TRHDE: variants seen among roughly 807,000 people sequenced by gnomAD.
The protein encoded by TRHDE is thyrotropin releasing hormone degrading enzyme, also known as thyrotropin-releasing hormone-degrading ectoenzyme.
Under a neutral mutation model 125.7 loss-of-function variants are expected in TRHDE, and 72 were observed. The ratio of observed to expected loss-of-function variants is 0.57; its 90% CI spans 0.47 to 0.70. The LOEUF (loss-of-function observed/expected upper bound fraction) is 0.70, where lower values mean the gene tolerates loss of function less well. Ranked by LOEUF, TRHDE falls within the 30% of genes least tolerant of loss-of-function variation. The pLI, the probability that TRHDE is intolerant of heterozygous loss-of-function variation, is 0.00. For missense variants in TRHDE, 1,110 were observed against 1,327.1 expected, an observed-to-expected ratio of 0.84 and a Z score of 2.54; for synonymous variants, 509 against 509.1, an observed-to-expected ratio of 1.00 and a Z score of 0.00.
intron 15 of TRHDE, among the ~76,000 whole-genome samples, chr12:72,627,505 TATC>T (rs1334566014): frequency 1.3e-5 from 2 of 151,806 alleles, no homozygotes; most frequent in Non-Finnish European, 2.9e-5. Context: ...CATTCACAGT[TATC>T]ATCAAAATCA....
At chr12:72,577,922 G>A (rs1871072250) in intron 12 of TRHDE, among the ~76,000 whole-genome samples, 2 of 152,178 alleles carry the variant, frequency 1.3e-5, no homozygotes, top group South Asian at 4.1e-4. Flanking sequence ...TTGCTCAAGA[G>A]ATAATTTTTC....
intron 12 of TRHDE, among the ~76,000 whole-genome samples, chr12:72,595,972 A>G (rs1871922289): frequency 6.6e-6 from 1 of 152,110 alleles, no homozygotes; most frequent in African/African-American, 2.4e-5. Flanking sequence ...TTCTCTATTT[A>G]CCTTCATTTC....
intron 3 of TRHDE, among the ~76,000 whole-genome samples, chr12:72,435,300 A>G (rs1458917880): frequency 6.6e-6 from 1 of 152,190 alleles, no homozygotes; most frequent in African/African-American, 2.4e-5. Flanking sequence ...AAGGATGGAA[A>G]TCTGCCATCA....
At chr12:72,600,063 C>T (rs892164950) in intron 12 of TRHDE, among the ~76,000 whole-genome samples, 4 of 151,898 alleles carry the variant, frequency 2.6e-5, no homozygotes, top group African/African-American at 9.7e-5. Context: ...AGGTGTGCGA[C>T]TTTATTTCTG....
intron 5 of TRHDE, among the ~76,000 whole-genome samples, chr12:72,479,302 CTT>C (rs1014651367): frequency 6.6e-5 from 10 of 152,116 alleles, no homozygotes; most frequent in Non-Finnish European, 1.5e-4. Context: ...AAAATCAAGA[CTT>C]TGGATTCACA....
chr12:72,184,842 T>C (rs1877168559), intron 2 of TRHDE, among the ~76,000 whole-genome samples: 1 of 152,190 alleles, frequency 6.6e-6, no homozygotes, highest in Admixed American at 6.5e-5. Context: ...TTATGGTTGA[T>C]TTCCTCAGTA....
intron 5 of TRHDE, among the ~76,000 whole-genome samples, chr12:72,484,626 A>G (rs1157516342): frequency 6.6e-6 from 1 of 152,222 alleles, no homozygotes; most frequent in Non-Finnish European, 1.5e-5. Context: ...AAATGTCAAG[A>G]TCACTTATGA....
At chr12:72,567,487 TAATAA>T (rs1488074865) in intron 9 of TRHDE, among the ~76,000 whole-genome samples, 1 of 152,078 alleles carries the variant, frequency 6.6e-6, no homozygotes, top group African/African-American at 2.4e-5. Flanking sequence ...AAACATGGAA[TAATAA>T]AATAGTCAAA....
chr12:72,523,551 T>C (rs1868284016), intron 6 of TRHDE, among the ~76,000 whole-genome samples: 1 of 152,226 alleles, frequency 6.6e-6, no homozygotes. Flanking sequence ...ATAAAGGTCG[T>C]GCTTTCCAAA....
In TRHDE at chr12:72,353,197, T is replaced by G. The variant is rs567130954; in HGVS notation, c.1189-24798T>G. ...CAAAATTATGTTCACAAAAATGACCTAGCAAGGCAGTGAGCAGAAAGAGCA... is the reference window on the plus strand; with the variant it reads ...CAAAATTATGTTCACAAAAATGACCGAGCAAGGCAGTGAGCAGAAAGAGCA... On this transcript the variant is annotated intron_variant, in intron 2 of 18. Transcript: ENST00000261180. Among the ~76,000 whole-genome samples, 221 of 151,710 alleles carry G rather than the reference T, an allele frequency of 1.5e-3. 1 individual carries two copies. Among genetic ancestry groups the G allele is most frequent in the Non-Finnish European group, 1.5e-3 (101 of 67,802 alleles).
chr12:72,640,510 C>G (rs1035898037), intron 15 of TRHDE, among the ~76,000 whole-genome samples: 1 of 146,888 alleles, frequency 6.8e-6, no homozygotes, highest in South Asian at 2.2e-4. Flanking sequence ...TGTTCCTATT[C>G]GGCCATCTTC....
intron 12 of TRHDE, among the ~76,000 whole-genome samples, chr12:72,584,770 A>G (rs896823635): frequency 9.2e-5 from 14 of 152,198 alleles, no homozygotes; most frequent in African/African-American, 3.1e-4. Context: ...TTTTGTGTAT[A>G]TACCACATTT....
chr12:72,166,910 G>GTA (rs1287122933), intron 2 of TRHDE, among the ~76,000 whole-genome samples: 1 of 38,634 alleles, frequency 2.6e-5, no homozygotes, highest in African/African-American at 7.0e-5. Context: ...AGATGAACGT[G>GTA]TGTGTGTGTG....
At chr12:72,380,477 C>T (rs1372232703) in intron 3 of TRHDE, among the ~76,000 whole-genome samples, 1 of 152,102 alleles carries the variant, frequency 6.6e-6, no homozygotes, top group Non-Finnish European at 1.5e-5. Context: ...AGGAAGATGG[C>T]TTTTAAGTGA....
At chr12:72,653,744 TAC>T (rs925827023) in intron 17 of TRHDE, among the ~76,000 whole-genome samples, 12 of 152,232 alleles carry the variant, frequency 7.9e-5, no homozygotes, top group African/African-American at 2.9e-4. Flanking sequence ...TATATTATAA[TAC>T]ACACTAATTT....
intron 15 of TRHDE, among the ~76,000 whole-genome samples, chr12:72,651,104 T>C (rs1874487793): frequency 6.6e-6 from 1 of 152,154 alleles, no homozygotes; most frequent in South Asian, 2.1e-4. Context: ...CAAAATGTTT[T>C]CTAATGCCAC....
intron 2 of TRHDE, among the ~76,000 whole-genome samples, chr12:72,182,530 T>C (rs1025564764): frequency 2.6e-5 from 4 of 152,226 alleles, no homozygotes; most frequent in Non-Finnish European, 4.4e-5. Context: ...ACCTCCGTAG[T>C]TGAAGTTTTC....
intron 2 of TRHDE, among the ~76,000 whole-genome samples, chr12:72,137,198 A>G (rs1418138545): frequency 6.6e-6 from 1 of 152,200 alleles, no homozygotes; most frequent in Admixed American, 6.5e-5. Flanking sequence ...CATTTTGGAT[A>G]GATCCATGTG....
At chr12:72,088,542 C>T (rs571560107) in intron 1 of TRHDE, among the ~76,000 whole-genome samples, 2 of 151,648 alleles carry the variant, frequency 1.3e-5, no homozygotes, top group South Asian at 4.2e-4. Flanking sequence ...TTACACAAAT[C>T]TAAATAAAAT....
Sources: allele counts gnomAD v4.1 joint callset (sites outside exome capture counted in the v4.1 genomes callset), GRCh38; gene constraint gnomAD v4.1.1; transcripts MANE v1.5; gene names NCBI Gene and HGNC (gene_info 2026-07-23, HGNC 2026-07-21).